The following HECTD4 variants were observed in gnomAD, a reference collection of about 807,000 sequenced individuals.
HECTD4 encodes the protein probable E3 ubiquitin-protein ligase HECTD4.
HECTD4 carries 114 observed loss-of-function variants against 471.5 expected under a neutral mutation model. The observed-to-expected ratio is 0.24, with a 90% confidence interval of 0.21 to 0.28. HECTD4 has a LOEUF of 0.28. Among genes scored for constraint, HECTD4 ranks in the 10% least tolerant of loss-of-function variants. HECTD4 has a pLI of 1.00. For missense variants in HECTD4, 3,866 were observed against 5,651.5 expected (o/e 0.68, Z 10.13); for synonymous variants, 2,012 against 2,256.0 (o/e 0.89, Z 3.07).
At chr12:112,268,868 G>GTTTTTTTTTTTTTTT in intron 13 of HECTD4, among the ~76,000 whole-genome samples, 1 of 65,808 alleles carries the variant, frequency 1.5e-5, no homozygotes, top group Non-Finnish European at 2.6e-5. Context: ...GTCTGAAAAG[G>GTTTTTTTTTTTTTTT]TTTTTTTTTT....
At chr12:112,190,748 C>T (rs1482706262) in intron 60 of HECTD4, 38 bp downstream of exon 60, 1 of 1,525,124 alleles carries the variant, frequency 6.6e-7, no homozygotes, top group African/African-American at 1.4e-5. Context: ...AGCTCCACCC[C>T]CACCCTAGAT....
At chr12:112,336,253 G>A (rs1213513226) in intron 1 of HECTD4, among the ~76,000 whole-genome samples, 1 of 152,190 alleles carries the variant, frequency 6.6e-6, no homozygotes, top group Non-Finnish European at 1.5e-5. Context: ...GCCGGGCGCG[G>A]TGGCTCATGC....
intron 1 of HECTD4, among the ~76,000 whole-genome samples, chr12:112,352,385 G>A (rs2036261723): frequency 6.6e-6 from 1 of 150,436 alleles, no homozygotes; most frequent in Admixed American, 6.7e-5. Context: ...GCCCAGGCTG[G>A]AGTGCTGCAG....
chr12:112,367,898 T>TA (rs2135757578), intron 1 of HECTD4, among the ~76,000 whole-genome samples: 1 of 135,868 alleles, frequency 7.4e-6, no homozygotes, highest in South Asian at 2.6e-4. Flanking sequence ...CTCTGCCCCA[T>TA]AAATAGCTAC....
At chr12:112,272,341 C>T (rs879356968) in intron 11 of HECTD4, among the ~76,000 whole-genome samples, 4 of 152,186 alleles carry the variant, frequency 2.6e-5, no homozygotes, top group East Asian at 3.8e-4. Flanking sequence ...TGGGCCACAG[C>T]GCCTAGCCTC....
At chr12:112,189,038 T>C (rs1285761336) in intron 60 of HECTD4, among the ~76,000 whole-genome samples, 1 of 152,148 alleles carries the variant, frequency 6.6e-6, no homozygotes, top group Non-Finnish European at 1.5e-5. Flanking sequence ...TCCCTGGGTG[T>C]TTTTTATTTT....
intron 1 of HECTD4, among the ~76,000 whole-genome samples, chr12:112,356,983 G>C (rs2036352778): frequency 6.6e-6 from 1 of 152,078 alleles, no homozygotes; most frequent in Non-Finnish European, 1.5e-5. Context: ...CGTGGTATGT[G>C]GACCATACTT....
intron 1 of HECTD4, among the ~76,000 whole-genome samples, chr12:112,377,873 A>AAAAG (rs746157922): frequency 5.9e-4 from 90 of 152,288 alleles, no homozygotes; most frequent in African/African-American, 1.9e-3. Context: ...TCGGTCTCAA[A>AAAAG]AAAGAAAGAA....
chr12:112,300,741 G>C (rs996680620), intron 7 of HECTD4, among the ~76,000 whole-genome samples: 1 of 151,926 alleles, frequency 6.6e-6, no homozygotes, highest in African/African-American at 2.4e-5. Flanking sequence ...AAGACTACAG[G>C]AGTGTGCCAT....
rs377650939 is a variant in HECTD4, at chr12:112,266,003, C to T, written c.2393-20G>A. 5 of 1,531,552 alleles carry T rather than the reference C, an allele frequency of 3.3e-6. No individual in the cohort carries two copies. Among genetic ancestry groups the T allele is most frequent in the Non-Finnish European group, 4.5e-6 (5 of 1,106,662 alleles). 94.9% of individuals were successfully genotyped at this position (1,531,552 alleles called of 1,614,324 possible). A position where few individuals can be genotyped will look rare whatever the true frequency, so the allele number is the denominator to read the frequency against. ...TCTCTCCTAACACAGAAGAAAGCTC[C>T]ATCAACTACCCTGGTAATGACTCCT... On this transcript the variant is annotated intron_variant, in intron 14 of 75. Coordinates refer to ENST00000682272, the MANE Select transcript of HECTD4 (RefSeq NM_001388303.1).
chr12:112,299,793 T>C (rs572907053), intron 7 of HECTD4, among the ~76,000 whole-genome samples: 8 of 152,388 alleles, frequency 5.2e-5, no homozygotes, highest in African/African-American at 1.4e-4. Context: ...GTTCTTTTAA[T>C]GTAGAGCAGG....
intron 16 of HECTD4, among the ~76,000 whole-genome samples, chr12:112,264,549 G>C (rs1239296180): frequency 1.3e-5 from 2 of 151,654 alleles, no homozygotes; most frequent in Non-Finnish European, 1.5e-5. Flanking sequence ...GATTCCTATT[G>C]GTCTCTATAA....
intron 60 of HECTD4, 83 bp downstream of exon 60, chr12:112,190,703 A>C: frequency 7.4e-7 from 1 of 1,359,284 alleles, no homozygotes; most frequent in African/African-American, 1.5e-5. Flanking sequence ...CACTCCCTAC[A>C]CCACCTGGCA....
In HECTD4 at chr12:112,256,560, G is replaced by C. The variant is rs760437805; in HGVS notation, c.3129-42C>G. On this transcript the variant is annotated intron_variant, in intron 20 of 75. Transcript: ENST00000682272. ...AAAGTGATTTAGCTTAGCAGCCAAGGAAAGGAAAAACAATGTAAACATTAA... is the reference window on the plus strand; with the variant it reads ...AAAGTGATTTAGCTTAGCAGCCAAGCAAAGGAAAAACAATGTAAACATTAA... 5.1e-6 allele frequency: 7 copies of C among 1,376,286 alleles called. No homozygotes were observed. The South Asian group carries it at 1.2e-4, about 23-fold the overall frequency. 85.3% of individuals were successfully genotyped at this position (1,376,286 alleles called of 1,614,324 possible).
rs187440950 is a variant in HECTD4 at position 112,160,509 on chromosome 12, C to T, written c.*1878G>A. On this transcript the variant is annotated 3_prime_UTR_variant, in exon 76 of 76. Coordinates refer to ENST00000682272, the MANE Select transcript of HECTD4 (RefSeq NM_001388303.1). ...GGCCAAGGTTTGGATCTGTCTGGAC[C>T]TCAATGTGCTCTCGGAGAAGCAGCC... The T allele has an allele frequency of 6.6e-6, 1 of 152,232 alleles. No individual in the cohort carries two copies. Among genetic ancestry groups the T allele is most frequent in the Admixed American group, 6.5e-5 (1 of 15,294 alleles). 9.4% of individuals were successfully genotyped at this position (152,232 alleles called of 1,614,324 possible). A position where few individuals can be genotyped will look rare whatever the true frequency, so the allele number is the denominator to read the frequency against.
At position 112,163,794 on chromosome 12, in the gene HECTD4, G is replaced by A. The variant is rs78987995; in HGVS notation, c.12702-57C>T. 59,590 of 1,368,420 alleles carry A rather than the reference G, an allele frequency of 0.044. 1,609 individuals carry two copies. Among genetic ancestry groups the A allele is most frequent in the South Asian group, 0.06 (3,627 of 60,362 alleles). 84.8% of individuals were successfully genotyped at this position (1,368,420 alleles called of 1,614,324 possible). On this transcript the variant is annotated intron_variant, in intron 73 of 75. Transcript: ENST00000682272. The surrounding 1 kb of genome is among the most constrained non-coding windows in gnomAD (Gnocchi z 8.2). ...ACACCGCCGAAGAGGCTGGGTCTGG[G>A]GGCCACACCCACTCAGCTGGAGGTC...
rs1161397698 is a variant in HECTD4 at position 112,319,462 on chromosome 12, A to AG, written c.457dup (p.Leu153ProfsTer7). 6.5e-7 allele frequency: 1 copy of AG among 1,528,788 alleles called. No homozygotes were observed. Among genetic ancestry groups the AG allele is most frequent in the Non-Finnish European group, 8.8e-7 (1 of 1,142,048 alleles). 94.7% of individuals were successfully genotyped at this position (1,528,788 alleles called of 1,614,324 possible). ...GTCTGTTCTACTCTGGGACTGAATA[A>AG]GGGGGAAGACCAGCAGGAGCCCCAT... On this transcript the variant is annotated frameshift_variant, in exon 2 of 76. Coordinates refer to ENST00000682272, the MANE Select transcript of HECTD4 (RefSeq NM_001388303.1). LOFTEE classifies it high-confidence loss of function. This position sits in a 1 kb window ranked among gnomAD's most constrained non-coding sequence, Gnocchi z 5.3.
rs1355609316 is a variant in HECTD4, at chr12:112,309,574, G to A, written c.1012C>T (p.His338Tyr). The A allele has an allele frequency of 6.8e-7, 1 of 1,476,032 alleles. No homozygotes were observed. Among genetic ancestry groups the A allele is most frequent in the African/African-American group, 1.4e-5 (1 of 71,922 alleles). 91.4% of individuals were successfully genotyped at this position (1,476,032 alleles called of 1,614,324 possible). A position where few individuals can be genotyped will look rare whatever the true frequency, so the allele number is the denominator to read the frequency against. ...RGVSKLGSGL[H>Y]GTLRGFVYCR... ...CATGCAACTGACCTGAGAGTACCAT[G>A]TAATCCAGATCCCAATTTGCTTACT... The change falls in exon 5 of 76, where the codon CAT becomes TAT. Residue 338 changes from histidine to tyrosine, a missense_variant. Physicochemically the swap from His to Tyr is moderately conservative, Grantham distance 83. Transcript: ENST00000682272.
chr12:112,364,801 C>T (rs2036528934), intron 1 of HECTD4, among the ~76,000 whole-genome samples: 1 of 152,174 alleles, frequency 6.6e-6, no homozygotes, highest in Admixed American at 6.6e-5. Context: ...CTCATGTGAA[C>T]TACTTTAGTT....
Sources: allele counts gnomAD v4.1 joint callset (sites outside exome capture counted in the v4.1 genomes callset), GRCh38; gene constraint gnomAD v4.1.1; non-coding constraint Gnocchi (gnomAD v3.1); transcripts MANE v1.5; gene names NCBI Gene and HGNC (gene_info 2026-07-23, HGNC 2026-07-21).